Variants in RBMS3 observed in about 807,000 individuals in gnomAD.
RBMS3 encodes the protein RNA-binding motif, single-stranded-interacting protein 3.
RBMS3 carries 27 observed loss-of-function variants against 66.8 expected under a neutral mutation model. The ratio of observed to expected loss-of-function variants is 0.40; its 90% CI spans 0.30 to 0.56. The LOEUF (loss-of-function observed/expected upper bound fraction) is 0.56. Among genes scored for constraint, RBMS3 ranks in the 20% least tolerant of loss-of-function variants. The pLI is 0.40. For synonymous variants in RBMS3, 188 were observed against 183.0 expected (o/e 1.03, Z -0.22); for missense variants, 513 against 549.5 (o/e 0.93, Z 0.66).
chr3:29,889,563 T>C (rs1045933644), intron 8 of RBMS3, among the ~76,000 whole-genome samples: 10 of 151,652 alleles, frequency 6.6e-5, no homozygotes, highest in Non-Finnish European at 1.2e-4. Context: ...TTCATAAGAC[T>C]TTGTAAAGAT....
At chr3:29,413,410 A>G (rs923095184) in intron 1 of RBMS3, among the ~76,000 whole-genome samples, 15 of 117,794 alleles carry the variant, frequency 1.3e-4, no homozygotes, top group African/African-American at 4.1e-4. Flanking sequence ...ACATACATAC[A>G]TACATACATA....
At chr3:29,686,570 A>G (rs2051742749) in intron 4 of RBMS3, among the ~76,000 whole-genome samples, 1 of 152,180 alleles carries the variant, frequency 6.6e-6, no homozygotes, top group Non-Finnish European at 1.5e-5. Context: ...CACTAGTCCC[A>G]GCTACTAGAG....
rs146759297 is a variant in RBMS3 at position 29,675,201 on chromosome 3, G to A, written c.400-64519G>A. On this transcript the variant is annotated intron_variant, in intron 4 of 14. Transcript: ENST00000383767. ...AAGGATTCCCTATTTAATAAATAGC[G>A]CTGGGAAAACTGGCTAGCCATATGT... is the stretch of plus-strand genomic sequence containing the variant. Among the ~76,000 whole-genome samples, 438 of 152,266 alleles carry A rather than the reference G, an allele frequency of 2.9e-3. 2 individuals are homozygous for A. The highest frequency in any genetic ancestry group is 9.8e-3 in the African/African-American group (406 of 41,562).
intron 3 of RBMS3, among the ~76,000 whole-genome samples, chr3:29,540,984 A>C (rs1459096125): frequency 6.6e-6 from 1 of 152,132 alleles, no homozygotes; most frequent in Non-Finnish European, 1.5e-5. Context: ...ACCCGCAGCT[A>C]ATCTTGTATT....
chr3:29,443,214 A>C lies in RBMS3; in HGVS notation c.248+8299A>C, dbSNP rs190494796. Among the ~76,000 whole-genome samples the C allele has an allele frequency of 1.7e-3, 257 of 152,202 alleles. 4 individuals are homozygous for C. The highest frequency in any genetic ancestry group is 6.0e-3 in the African/African-American group (248 of 41,552). ...TTGGGGTAACTCTTTTCCCCAGTCT[A>C]GAATCAATTTCCAAGACCTCAACTG... On this transcript the variant is annotated intron_variant, in intron 2 of 14. Coordinates refer to ENST00000383767, the MANE Select transcript of RBMS3 (RefSeq NM_001003793.3).
intron 1 of RBMS3, among the ~76,000 whole-genome samples, chr3:29,309,173 C>T (rs559010609): frequency 1.2e-4 from 18 of 151,542 alleles, no homozygotes; most frequent in African/African-American, 2.2e-4. Context: ...TGAGTCCAAA[C>T]GCATCCTGCT....
chr3:29,651,735 A>G (rs1416667302), intron 4 of RBMS3, among the ~76,000 whole-genome samples: 1 of 152,152 alleles, frequency 6.6e-6, no homozygotes, highest in Non-Finnish European at 1.5e-5. Context: ...TCCTATTACT[A>G]CAACTTAGTT....
intron 2 of RBMS3, among the ~76,000 whole-genome samples, chr3:29,475,251 CTT>C (rs35099344): frequency 2.6e-4 from 37 of 140,676 alleles, no homozygotes; most frequent in Admixed American, 4.3e-4. Context: ...CTTTTCTTTT[CTT>C]TTTTTTTTTT....
intron 3 of RBMS3, among the ~76,000 whole-genome samples, chr3:29,496,929 A>G (rs1450054369): frequency 6.6e-6 from 1 of 152,210 alleles, no homozygotes; most frequent in African/African-American, 2.4e-5. Flanking sequence ...TTAAGCATCA[A>G]CTTGTGTTCA....
At chr3:29,923,980 C>T (rs1223012655) in intron 10 of RBMS3, among the ~76,000 whole-genome samples, 1 of 152,110 alleles carries the variant, frequency 6.6e-6, no homozygotes, top group Admixed American at 6.5e-5. Flanking sequence ...AAATTAAAAA[C>T]AATAAAATTC....
At chr3:29,991,334 T>G (rs916896724) in intron 14 of RBMS3, 125 bp downstream of exon 14, 2 of 1,487,870 alleles carry the variant, frequency 1.3e-6, no homozygotes, top group African/African-American at 2.8e-5. Context: ...AGGCATTTAT[T>G]TAGCTCATGA....
intron 10 of RBMS3, among the ~76,000 whole-genome samples, chr3:29,903,729 A>G (rs899671389): frequency 2.6e-5 from 4 of 151,954 alleles, no homozygotes; most frequent in African/African-American, 9.7e-5. Context: ...TATCATCTCA[A>G]GGAGAAAGGT....
intron 12 of RBMS3, among the ~76,000 whole-genome samples, chr3:29,980,964 G>A (rs111905082): frequency 3.8e-3 from 582 of 152,234 alleles, no homozygotes; most frequent in African/African-American, 0.013. Flanking sequence ...CTAATTCTGT[G>A]AAGAAAGTCA....
chr3:29,597,446 C>T (rs1463378082), intron 4 of RBMS3, among the ~76,000 whole-genome samples: 1 of 152,068 alleles, frequency 6.6e-6, no homozygotes, highest in Non-Finnish European at 1.5e-5. Context: ...AGTGGACACA[C>T]AAAAACAAAA....
At chr3:29,689,995 T>C (rs1189733052) in intron 4 of RBMS3, among the ~76,000 whole-genome samples, 3 of 131,852 alleles carry the variant, frequency 2.3e-5, no homozygotes, top group African/African-American at 8.3e-5. Context: ...TCTTTCATAA[T>C]CTAGCTACTG....
chr3:29,361,240 C>G (rs1176554326), intron 1 of RBMS3, among the ~76,000 whole-genome samples: 2 of 151,974 alleles, frequency 1.3e-5, no homozygotes, highest in Non-Finnish European at 2.9e-5. Flanking sequence ...TAGGGCAGGC[C>G]TGGTGGTGAC....
intron 6 of RBMS3, among the ~76,000 whole-genome samples, chr3:29,851,097 TC>T (rs1319575612): frequency 6.6e-6 from 1 of 152,232 alleles, no homozygotes; most frequent in Non-Finnish European, 1.5e-5. Context: ...CTTCTGTCAG[TC>T]TCTGCTCCTT....
At chr3:29,386,138 T>C (rs2038999726) in intron 1 of RBMS3, among the ~76,000 whole-genome samples, 2 of 152,076 alleles carry the variant, frequency 1.3e-5, no homozygotes, top group Admixed American at 1.3e-4. Flanking sequence ...CAATTGACTT[T>C]TGTTTTACCT....
At chr3:29,978,786 C>T (rs542138495) in intron 12 of RBMS3, among the ~76,000 whole-genome samples, 3 of 151,924 alleles carry the variant, frequency 2.0e-5, no homozygotes, top group African/African-American at 7.2e-5. Flanking sequence ...ATCTTAAGAC[C>T]TTATTTACTT....
Sources: allele counts gnomAD v4.1 joint callset (sites outside exome capture counted in the v4.1 genomes callset), GRCh38; gene constraint gnomAD v4.1.1; transcripts MANE v1.5; gene names NCBI Gene and HGNC (gene_info 2026-07-23, HGNC 2026-07-21).